The following MYH11 variants were observed in gnomAD, a reference collection of about 807,000 sequenced individuals.
The protein encoded by MYH11 is myosin heavy chain 11.
Under a neutral mutation model 246.6 loss-of-function variants are expected in MYH11, and 80 were observed. That is an observed-to-expected ratio of 0.32 (90% CI 0.27 to 0.39). MYH11 has a LOEUF of 0.39. MYH11 is among the 10% of genes least tolerant of loss of function. MYH11 has a pLI of 1.00. For missense variants in MYH11, 2,158 were observed against 2,546.8 expected (o/e 0.85, Z 3.29); for synonymous variants, 1,071 against 1,015.5 (o/e 1.05, Z -1.04).
At chr16:15,771,512 A>G in intron 9 of MYH11, 57 bp downstream of exon 9, 1 of 1,599,232 alleles carries the variant, frequency 6.3e-7, no homozygotes, top group Middle Eastern at 2.1e-4. Flanking sequence ...AGAGTTCTTA[A>G]CAGGTTCCAC....
At position 15,703,955 on chromosome 16, in the gene MYH11, GTT is replaced by G; in HGVS notation, c.*34_*35del. ...TTTTGTTTGTTTGTTTTGGTTTTTG[GTT>G]TTCTTGCCGTGGTGCAAAACTGTAG... On this transcript the variant is annotated 3_prime_UTR_variant, in exon 41 of 41. Coordinates refer to ENST00000300036, the MANE Select transcript of MYH11 (RefSeq NM_002474.3). The G allele has an allele frequency of 6.2e-7, 1 of 1,613,450 alleles. No individual in the cohort carries two copies. Among genetic ancestry groups the G allele is most frequent in the South Asian group, 1.1e-5 (1 of 91,018 alleles).
At position 15,750,530 on chromosome 16, in the gene MYH11, A is replaced by G. The variant is rs1269789758; in HGVS notation, c.1865-199T>C. On this transcript the variant is annotated intron_variant, in intron 15 of 40. Coordinates refer to ENST00000300036, the MANE Select transcript of MYH11 (RefSeq NM_002474.3). The surrounding 1 kb of genome is among the most constrained non-coding windows in gnomAD (Gnocchi z 4.3). Reference sequence around the variant, plus strand: ...AGCACCTGAGTGGCAGAAAGAACAAATTCCCTGTGATGGAGTCACGCTGAC... The same window carrying G: ...AGCACCTGAGTGGCAGAAAGAACAAGTTCCCTGTGATGGAGTCACGCTGAC... 6.6e-6 allele frequency among the ~76,000 whole-genome samples: 1 copy of G among 152,076 alleles called. No homozygotes were observed. Among genetic ancestry groups the G allele is most frequent in the Non-Finnish European group, 1.5e-5 (1 of 68,012 alleles).
In MYH11 at chr16:15,706,310, CAGAA is replaced by C. The variant is rs558643613; in HGVS notation, c.5787-2191_5787-2188del. On this transcript the variant is annotated intron_variant, in intron 40 of 40. Coordinates refer to ENST00000300036, the MANE Select transcript of MYH11 (RefSeq NM_002474.3). ...AGCACTGTTTTCCAAGCGCTTGACTCAGAAGGATGCTCAAATTCAGCGCAGAGGA... is the reference window on the plus strand; with the variant it reads ...AGCACTGTTTTCCAAGCGCTTGACTCGGATGCTCAAATTCAGCGCAGAGGA... 1.4e-3 allele frequency among the ~76,000 whole-genome samples: 212 copies of C among 152,254 alleles called. 1 individual carries two copies. Among genetic ancestry groups the C allele is most frequent in the South Asian group, 2.5e-3 (12 of 4,824 alleles).
intron 20 of MYH11, 28 bp downstream of exon 20, chr16:15,745,100 TG>T: frequency 6.3e-7 from 1 of 1,579,682 alleles, no homozygotes; most frequent in Non-Finnish European, 8.7e-7. Context: ...TGGGGGCCCC[TG>T]GGAAGGGGGC....
At chr16:15,821,289 G>T (rs1227536930) in intron 3 of MYH11, among the ~76,000 whole-genome samples, 1 of 152,112 alleles carries the variant, frequency 6.6e-6, no homozygotes, top group Non-Finnish European at 1.5e-5. Context: ...TTTCTGGAAC[G>T]AATTATCTTC....
intron 1 of MYH11, among the ~76,000 whole-genome samples, chr16:15,853,041 G>A (rs1260632857): frequency 2.6e-5 from 4 of 152,152 alleles, no homozygotes; most frequent in African/African-American, 4.8e-5. Context: ...TTAGGTCTTC[G>A]AGTTACAAGT....
At position 15,703,941 on chromosome 16, in the gene MYH11, T is replaced by TGTTTTG. The variant is rs1361697784; in HGVS notation, c.*44_*49dup. On this transcript the variant is annotated 3_prime_UTR_variant, in exon 41 of 41. Coordinates refer to ENST00000300036, the MANE Select transcript of MYH11 (RefSeq NM_002474.3). ...TGTTGTTGGGTTTTTTTTGTTTGTT[T>TGTTTTG]GTTTTGGTTTTTGGTTTTCTTGCCG... 1 of 1,613,164 alleles carries TGTTTTG rather than the reference T, an allele frequency of 6.2e-7. No individual in the cohort carries two copies. The highest frequency in any genetic ancestry group is 1.3e-5 in the African/African-American group (1 of 74,876).
chr16:15,855,158 A>G (rs1467613077), intron 1 of MYH11, among the ~76,000 whole-genome samples: 1 of 152,212 alleles, frequency 6.6e-6, no homozygotes, highest in African/African-American at 2.4e-5. Context: ...GGACATGATA[A>G]TAAAAAAACA....
intron 1 of MYH11, among the ~76,000 whole-genome samples, chr16:15,841,055 A>C (rs1007435115): frequency 6.6e-6 from 1 of 152,218 alleles, no homozygotes; most frequent in Non-Finnish European, 1.5e-5. Flanking sequence ...AATATCAATA[A>C]GAAAAATAAT....
intron 36 of MYH11, 173 bp from the exon 37 acceptor site, chr16:15,718,611 G>T: frequency 9.8e-7 from 1 of 1,020,296 alleles, no homozygotes; most frequent in Non-Finnish European, 1.4e-6. Flanking sequence ...GTGGACAGCC[G>T]GGACTCAGGC....
chr16:15,834,926 T>G (rs915133227), intron 2 of MYH11, among the ~76,000 whole-genome samples: 4 of 150,470 alleles, frequency 2.7e-5, no homozygotes, highest in Non-Finnish European at 5.9e-5. Flanking sequence ...TTTTTTTTTT[T>G]TTAATTAGCC....
intron 9 of MYH11, among the ~76,000 whole-genome samples, chr16:15,769,993 T>C (rs959226818): frequency 7.9e-5 from 12 of 152,200 alleles, no homozygotes; most frequent in Non-Finnish European, 5.9e-5. Context: ...AATAAAACTA[T>C]ACTGAACAGT....
chr16:15,735,608 C>A (rs780136486), intron 25 of MYH11, 30 bp from the exon 26 acceptor site: 1 of 1,612,484 alleles, frequency 6.2e-7, no homozygotes, highest in South Asian at 1.1e-5. Context: ...CAGAATGAAC[C>A]CCCAGGTCCC....
At chr16:15,723,005 A>C (rs1215445713) in intron 31 of MYH11, among the ~76,000 whole-genome samples, 2 of 152,148 alleles carry the variant, frequency 1.3e-5, no homozygotes, top group African/African-American at 4.8e-5. Context: ...CAGCCTCCCA[A>C]AGTGCTAGGA....
At position 15,742,114 on chromosome 16, in the gene MYH11, C is replaced by G; in HGVS notation, c.2521-223G>C. ...ATACTGCTAAACACCCTACAGTGCA[C>G]AGGACAGCCCCCACAACAGAATTAG... On this transcript the variant is annotated intron_variant, in intron 20 of 40. Coordinates refer to ENST00000300036, the MANE Select transcript of MYH11 (RefSeq NM_002474.3). 4.6e-6 allele frequency: 3 copies of G among 646,420 alleles called. 1 individual carries two copies. In the South Asian group the frequency reaches 5.3e-5, roughly 11 times the overall value. The allele number at this position is 646,420 out of a possible 1,614,324, so 40.0% of individuals were successfully genotyped here. A position where few individuals can be genotyped will look rare whatever the true frequency, so the allele number is the denominator to read the frequency against.
intron 6 of MYH11, among the ~76,000 whole-genome samples, chr16:15,781,045 C>T (rs923476986): frequency 3.9e-5 from 6 of 151,946 alleles, no homozygotes; most frequent in Non-Finnish European, 7.4e-5. Flanking sequence ...TGGCCTGGCC[C>T]GAGCATTGAT....
At chr16:15,854,457 TA>T (rs2044409973) in intron 1 of MYH11, among the ~76,000 whole-genome samples, 1 of 152,208 alleles carries the variant, frequency 6.6e-6, no homozygotes, top group African/African-American at 2.4e-5. Context: ...TGAGCTATCT[TA>T]AGCAAGTTAT....
At chr16:15,708,531 A>T (rs1325457136) in intron 40 of MYH11, among the ~76,000 whole-genome samples, 1 of 152,194 alleles carries the variant, frequency 6.6e-6, no homozygotes, top group Admixed American at 6.6e-5. Context: ...TCTCGTCAAG[A>T]TGCAGTGATA....
chr16:15,848,081 C>T (rs1037365949), intron 1 of MYH11, among the ~76,000 whole-genome samples: 8 of 152,088 alleles, frequency 5.3e-5, no homozygotes, highest in East Asian at 1.9e-4. Flanking sequence ...TTTGCTCCTA[C>T]GAGCCTTGGG....
Sources: gnomAD v4.1 joint callset for allele counts (sites outside exome capture counted in the v4.1 genomes callset) on GRCh38, gnomAD v4.1.1 for gene constraint, Gnocchi (gnomAD v3.1) non-coding constraint, MANE v1.5 for transcripts, NCBI Gene and HGNC (gene_info 2026-07-23, HGNC 2026-07-21) for gene names.